Variants in PARD3B observed in about 807,000 individuals in gnomAD.
PARD3B encodes par-3 family cell polarity regulator beta.
A neutral mutation model predicts 130.2 loss-of-function variants in PARD3B; 103 were observed. That is an observed-to-expected ratio of 0.79 (90% CI 0.67 to 0.93). The LOEUF (loss-of-function observed/expected upper bound fraction) is 0.93, where lower values mean the gene tolerates loss of function less well. Among genes scored for constraint, PARD3B ranks in the 40% least tolerant of loss-of-function variants. The pLI is 0.00. For missense variants in PARD3B, 1,609 were observed against 1,499.2 expected (o/e 1.07, Z -1.21); for synonymous variants, 583 against 553.2 (o/e 1.05, Z -0.76).
At chr2:204,613,166 TA>T (rs141019602) in intron 1 of PARD3B, among the ~76,000 whole-genome samples, 22,089 of 152,128 alleles carry the variant, frequency 0.15, 1,747 homozygotes, top group African/African-American at 0.16. Flanking sequence ...TCAGGAGATA[TA>T]TTTTTTTTGA....
At chr2:204,878,282 A>G (rs891873165) in intron 2 of PARD3B, among the ~76,000 whole-genome samples, 7 of 152,226 alleles carry the variant, frequency 4.6e-5, no homozygotes, top group Admixed American at 3.3e-4. Flanking sequence ...GGAGGTGACA[A>G]TGATCTTAAG....
rs2044611172 is a variant in PARD3B, at chr2:205,366,389, T to C, written c.2631-34624T>C. Among the ~76,000 whole-genome samples, 1 of 152,174 alleles carries C rather than the reference T, an allele frequency of 6.6e-6. No individual in the cohort carries two copies. Among genetic ancestry groups the C allele is most frequent in the Admixed American group, 6.6e-5 (1 of 15,264 alleles). On this transcript the variant is annotated intron_variant, in intron 18 of 22. Coordinates refer to ENST00000406610, the MANE Select transcript of PARD3B (RefSeq NM_001302769.2). This position sits in a 1 kb window ranked among gnomAD's most constrained non-coding sequence, Gnocchi z 5.0. ...GGACAGAGGTAAAGAATTTCCTACT[T>C]ATATTCGATGACAACCTAATGTTTT...
At chr2:205,453,686 C>T (rs11904683) in intron 20 of PARD3B, among the ~76,000 whole-genome samples, 16,189 of 152,144 alleles carry the variant, frequency 0.11, 1,281 homozygotes, top group African/African-American at 0.23. Flanking sequence ...CTTCATGTTA[C>T]ACCCTATTAG....
chr2:205,195,836 A>AG (rs1367602343), intron 15 of PARD3B, among the ~76,000 whole-genome samples: 1 of 151,828 alleles, frequency 6.6e-6, no homozygotes, highest in Non-Finnish European at 1.5e-5. Context: ...AATTTAAAAA[A>AG]AAAACCTTCT....
At chr2:204,762,792 C>T (rs1313692301) in intron 2 of PARD3B, among the ~76,000 whole-genome samples, 3 of 140,746 alleles carry the variant, frequency 2.1e-5, no homozygotes, top group East Asian at 4.3e-4. Flanking sequence ...CAGAGTTTCA[C>T]TCTTGTTGCC....
chr2:205,416,780 A>T (rs1559073246), intron 19 of PARD3B, among the ~76,000 whole-genome samples: 1 of 149,864 alleles, frequency 6.7e-6, no homozygotes, highest in Non-Finnish European at 1.5e-5. Flanking sequence ...TCAAGGATTA[A>T]TTTTTTTTTT....
In PARD3B at chr2:204,997,708, A is replaced by T. The variant is rs141987482; in HGVS notation, c.394+32385A>T. 8.3e-3 allele frequency among the ~76,000 whole-genome samples: 1,254 copies of T among 151,928 alleles called. 19 individuals are homozygous for T. Among genetic ancestry groups the T allele is most frequent in the African/African-American group, 0.029 (1,201 of 41,498 alleles). On this transcript the variant is annotated intron_variant, in intron 3 of 22. Transcript: ENST00000406610. Reference sequence around the variant, plus strand: ...ATTTTATTTTTTTACTAATTCTTATACTTGTCCTTCTTGCATTACTACACT... The same window carrying T: ...ATTTTATTTTTTTACTAATTCTTATTCTTGTCCTTCTTGCATTACTACACT...
chr2:205,055,363 C>T (rs1368266121), intron 4 of PARD3B, among the ~76,000 whole-genome samples: 1 of 152,082 alleles, frequency 6.6e-6, no homozygotes, highest in African/African-American at 2.4e-5. Context: ...AAAAATACTT[C>T]TGGTATGTGA....
At chr2:204,786,779 C>T (rs1171596347) in intron 2 of PARD3B, among the ~76,000 whole-genome samples, 1 of 151,376 alleles carries the variant, frequency 6.6e-6, no homozygotes, top group Non-Finnish European at 1.5e-5. Context: ...GACATTACCA[C>T]CAATGCAATG....
At position 205,416,424 on chromosome 2, in the gene PARD3B, G is replaced by A. The variant is rs1447090184; in HGVS notation, c.2741+15301G>A. 5.9e-5 allele frequency among the ~76,000 whole-genome samples: 9 copies of A among 152,096 alleles called. No homozygotes were observed. The East Asian group carries it at 1.7e-3, about 29-fold the overall frequency. ...ATGCTGTGTATAAAAGGATACCAGT[G>A]AAGAGAATTAGGTTCTTGGAGAAAC... On this transcript the variant is annotated intron_variant, in intron 19 of 22. Coordinates refer to ENST00000406610, the MANE Select transcript of PARD3B (RefSeq NM_001302769.2).
intron 15 of PARD3B, among the ~76,000 whole-genome samples, chr2:205,224,629 T>C (rs1354924266): frequency 6.8e-6 from 1 of 147,664 alleles, no homozygotes; most frequent in Non-Finnish European, 1.5e-5. Context: ...ATGACTTCAG[T>C]TGTTTTAATT....
intron 1 of PARD3B, among the ~76,000 whole-genome samples, chr2:204,553,316 A>G (rs1364450290): frequency 2.0e-5 from 3 of 152,130 alleles, no homozygotes; most frequent in Non-Finnish European, 4.4e-5. Flanking sequence ...GTAAACTAGT[A>G]CAACCACTAT....
At chr2:204,933,635 C>G (rs1225795716) in intron 2 of PARD3B, among the ~76,000 whole-genome samples, 1 of 152,086 alleles carries the variant, frequency 6.6e-6, no homozygotes, top group Non-Finnish European at 1.5e-5. Context: ...ACTTCTAAAC[C>G]ACTGTGCTTT....
At chr2:205,308,620 C>A (rs71427778) in intron 18 of PARD3B, among the ~76,000 whole-genome samples, 72,594 of 129,874 alleles carry the variant, frequency 0.56, 23,351 homozygotes, top group South Asian at 0.75. Flanking sequence ...AAAAAAAAAA[C>A]CAAACAACAA....
chr2:205,581,263 T>TATAGATAGATATAGATAGATATAG lies in PARD3B; in HGVS notation c.3260+27871_3260+27872insTAGATAGATATAGATAGATAGATA, dbSNP rs1559238092. 1.1e-4 allele frequency among the ~76,000 whole-genome samples: 15 copies of TATAGATAGATATAGATAGATATAG among 131,168 alleles called. 1 individual carries two copies. The highest frequency in any genetic ancestry group is 2.2e-4 in the East Asian group (1 of 4,568). 86.1% of individuals were successfully genotyped at this position (131,168 alleles called of 152,430 possible). On this transcript the variant is annotated intron_variant, in intron 22 of 22. Coordinates refer to ENST00000406610, the MANE Select transcript of PARD3B (RefSeq NM_001302769.2). ...ATAGATATATATAGATATATATAGA[T>TATAGATAGATATAGATAGATATAG]ATAGATAGATAGATATAGATATATA...
intron 2 of PARD3B, among the ~76,000 whole-genome samples, chr2:204,763,040 G>A (rs143905237): frequency 0.012 from 1,800 of 152,228 alleles, 27 homozygotes; most frequent in African/African-American, 0.041. Context: ...GATTACATGC[G>A]TGAGCCACTG....
At chr2:205,403,009 G>A (rs915257384) in intron 19 of PARD3B, among the ~76,000 whole-genome samples, 2 of 152,076 alleles carry the variant, frequency 1.3e-5, no homozygotes, top group Admixed American at 6.6e-5. Flanking sequence ...CTGGAGTCCT[G>A]ATCCTTAGCT....
chr2:204,662,021 G>A (rs2035828756), intron 1 of PARD3B, among the ~76,000 whole-genome samples: 1 of 152,078 alleles, frequency 6.6e-6, no homozygotes, highest in Non-Finnish European at 1.5e-5. Flanking sequence ...AGTTTCTTAA[G>A]GATTTCTTAC....
intron 16 of PARD3B, among the ~76,000 whole-genome samples, chr2:205,299,676 T>A (rs1184693208): frequency 6.7e-6 from 1 of 149,632 alleles, no homozygotes; most frequent in African/African-American, 2.5e-5. Flanking sequence ...AGGAATGGAG[T>A]GGGAGGGGGC....
Sources: allele counts gnomAD v4.1 joint callset (sites outside exome capture counted in the v4.1 genomes callset), GRCh38; gene constraint gnomAD v4.1.1; non-coding constraint Gnocchi (gnomAD v3.1); transcripts MANE v1.5; gene names NCBI Gene and HGNC (gene_info 2026-07-23, HGNC 2026-07-21).